The following UNC45A variants were observed in gnomAD, a reference collection of about 807,000 sequenced individuals.
UNC45A encodes protein unc-45 homolog A.
UNC45A carries 78 observed loss-of-function variants against 103.2 expected under a neutral mutation model. The observed-to-expected ratio is 0.76, with a 90% CI of 0.63 to 0.91. The LOEUF is 0.91. UNC45A is among the 40% of genes least tolerant of loss of function. UNC45A has a pLI of 0.00. For missense variants in UNC45A, 1,193 were observed against 1,224.8 expected, an observed-to-expected ratio of 0.97 and a Z score of 0.39; for synonymous variants, 495 against 504.6, an observed-to-expected ratio of 0.98 and a Z score of 0.25.
intron 7 of UNC45A, 105 bp downstream of exon 7, chr15:90,942,710 T>C: frequency 6.4e-7 from 1 of 1,568,192 alleles, no homozygotes; most frequent in Non-Finnish European, 8.7e-7. Flanking sequence ...CAGCTGCAGG[T>C]TGTTTGGAAT....
In UNC45A at chr15:90,935,583, C is replaced by A; in HGVS notation, c.91C>A (p.Leu31Met). ...GCAGCTGCGGAAGGAGGGCAATGAGCTGTTCAAATGTGGAGACTACGGGGG... is the reference window on the plus strand; with the variant it reads ...GCAGCTGCGGAAGGAGGGCAATGAGATGTTCAAATGTGGAGACTACGGGGG... ...VEQLRKEGNE[L>M]FKCGDYGGAL... The change falls in exon 2 of 20, where the codon CTG becomes ATG. Residue 31 changes from leucine to methionine, a missense_variant. Coordinates refer to ENST00000418476, the MANE Select transcript of UNC45A (RefSeq NM_018671.5). 6.2e-7 allele frequency: 1 copy of A among 1,612,774 alleles called. No homozygotes were observed. The highest frequency in any genetic ancestry group is 1.7e-5 in the Admixed American group (1 of 59,732).
rs997543307 is a variant in UNC45A at position 90,949,650 on chromosome 15, A to C, written c.2007-4A>C. On this transcript the variant is annotated splice_region_variant and splice_polypyrimidine_tract_variant and intron_variant, in intron 14 of 19. Coordinates refer to ENST00000418476, the MANE Select transcript of UNC45A (RefSeq NM_018671.5). ...GCCTGCCCACCACCGCCTTCTCCCC[A>C]CAGGGTCTTCTTGGCTTTAGTGGAA... 3.7e-6 allele frequency: 6 copies of C among 1,613,934 alleles called. No individual in the cohort carries two copies. The highest frequency in any genetic ancestry group is 5.1e-6 in the Non-Finnish European group (6 of 1,179,966).
chr15:90,944,858 A>C, intron 8 of UNC45A, 34 bp from the exon 9 acceptor site: 2 of 1,593,932 alleles, frequency 1.3e-6, no homozygotes, highest in Non-Finnish European at 1.7e-6. Context: ...GGTTGGAACT[A>C]GTGTTCTACT....
chr15:90,950,031 C>T (rs1393135639), intron 15 of UNC45A, 123 bp from the exon 16 acceptor site: 2 of 900,412 alleles, frequency 2.2e-6, no homozygotes, highest in East Asian at 2.6e-5. Flanking sequence ...AGAGGGTCTG[C>T]ACAGGGAGTC....
rs763853528 is a variant in UNC45A at position 90,944,871 on chromosome 15, C to G, written c.1028-21C>G. 1.9e-6 allele frequency: 3 copies of G among 1,609,716 alleles called. No homozygotes were observed. In the South Asian group the frequency reaches 3.3e-5, roughly 18 times the overall value. On this transcript the variant is annotated intron_variant, in intron 8 of 19. Coordinates refer to ENST00000418476, the MANE Select transcript of UNC45A (RefSeq NM_018671.5). Reference sequence around the variant, plus strand: ...GGGGTTGGAACTAGTGTTCTACTGTCTAAGCGGGGTGTCTTTACAGGTCTG... The same window carrying G: ...GGGGTTGGAACTAGTGTTCTACTGTGTAAGCGGGGTGTCTTTACAGGTCTG...
chr15:90,947,141 C>T (rs930262634), intron 10 of UNC45A: 1 of 559,642 alleles, frequency 1.8e-6, no homozygotes, highest in African/African-American at 1.9e-5. Context: ...GTGAGTCACG[C>T]ATGTCACTGC....
At position 90,935,321 on chromosome 15, in the gene UNC45A, C is replaced by A; in HGVS notation, c.-4C>A. The A allele has an allele frequency of 6.2e-7, 1 of 1,603,586 alleles. No individual in the cohort carries two copies. Among genetic ancestry groups the A allele is most frequent in the Admixed American group, 1.7e-5 (1 of 59,018 alleles). On this transcript the variant is annotated 5_prime_UTR_variant, in exon 1 of 20. Transcript: ENST00000418476. The stretch of plus-strand genomic sequence containing the variant: ...CTGCGCGGGCACGAGACAACCTCTC[C>A]GCGATGACTGTGAGTGGTCCAGGGA...
At chr15:90,941,595 G>A (rs1278116260) in intron 6 of UNC45A, among the ~76,000 whole-genome samples, 1 of 152,158 alleles carries the variant, frequency 6.6e-6, no homozygotes, top group Non-Finnish European at 1.5e-5. Context: ...ACACTTAGCT[G>A]CTAAGTGGAA....
chr15:90,940,600 C>T (rs2036244666), intron 6 of UNC45A, 127 bp downstream of exon 6: 1 of 1,236,064 alleles, frequency 8.1e-7, no homozygotes, highest in Non-Finnish European at 1.1e-6. Context: ...CTTCCACCCT[C>T]TACCCCTTAC....
Position 90,946,867 on chromosome 15 carries a change from C to A in UNC45A, c.1453C>A (p.Leu485Ile), listed in dbSNP as rs762244260. 5.8e-5 allele frequency: 91 copies of A among 1,577,378 alleles called. No individual in the cohort carries two copies. The highest frequency in any genetic ancestry group is 7.7e-5 in the Non-Finnish European group (89 of 1,156,454). ...TANGVSLLKDLYKCSEKDSIR... is the reference protein window; with the variant it reads ...TANGVSLLKDIYKCSEKDSIR... ...CAATGGTGTCTCGCTGCTGAAGGACCTATATAAGTGCAGCGAGAAGGACAG... is the reference window on the plus strand; with the variant it reads ...CAATGGTGTCTCGCTGCTGAAGGACATATATAAGTGCAGCGAGAAGGACAG... The change falls in exon 10 of 20, where the codon CTA becomes ATA. Residue 485 changes from leucine (L) to isoleucine (I), a missense_variant. Leu to Ile is a conservative substitution (Grantham distance 5, BLOSUM62 2). Transcript: ENST00000418476.
In UNC45A at chr15:90,935,302, G is replaced by C. The variant is rs753246384; in HGVS notation, c.-23G>C. 1 of 1,595,868 alleles carries C rather than the reference G, an allele frequency of 6.3e-7. No homozygotes were observed. The highest frequency in any genetic ancestry group is 8.5e-7 in the Non-Finnish European group (1 of 1,173,920). ...CCCGCCCCAGAGACTGCGCCTGCGCGGGCACGAGACAACCTCTCCGCGATG... is the reference window on the plus strand; with the variant it reads ...CCCGCCCCAGAGACTGCGCCTGCGCCGGCACGAGACAACCTCTCCGCGATG... On this transcript the variant is annotated 5_prime_UTR_variant, in exon 1 of 20. Transcript: ENST00000418476.
At chr15:90,949,868 G>A (rs905765172) in intron 15 of UNC45A, 148 bp downstream of exon 15, 11 of 874,756 alleles carry the variant, frequency 1.3e-5, no homozygotes, top group Admixed American at 4.5e-5. Context: ...AGAGAGTGAC[G>A]CGGAAGCAGG....
chr15:90,933,264 C>T (rs534211702), upstream of UNC45A: 5 of 152,452 alleles, frequency 3.3e-5, no homozygotes, highest in Admixed American at 1.3e-4. Flanking sequence ...AGTCTCTAGG[C>T]ATCTTCTGTG....
chr15:90,942,811 A>AT, intron 7 of UNC45A, 101 bp from the exon 8 acceptor site: 2 of 1,504,834 alleles, frequency 1.3e-6, no homozygotes, highest in South Asian at 1.3e-5. Flanking sequence ...TGGGATGCGG[A>AT]TCCCCCCTTC....
rs144297073 is a variant in UNC45A, at chr15:90,944,948, G to T, written c.1084G>T (p.Ala362Ser). Residue 362 changes from alanine (A) to serine (S), a missense_variant, in exon 9 of 20, where the codon GCA becomes TCA. Transcript: ENST00000418476. ...GSLQDPPGEL[A>S]VTANSRMSAS... is the part of the protein sequence containing the mutation. ...TCTACAGGACCCTCCTGGGGAGCTC[G>T]CAGTGACCGCAAACAGCCGCATGAG... 2.5e-6 allele frequency: 4 copies of T among 1,612,584 alleles called. No homozygotes were observed. The highest frequency in any genetic ancestry group is 3.4e-6 in the Non-Finnish European group (4 of 1,180,034).
chr15:90,937,170 A>G (rs760085366), intron 4 of UNC45A, among the ~76,000 whole-genome samples: 1 of 152,130 alleles, frequency 6.6e-6, no homozygotes, highest in Non-Finnish European at 1.5e-5. Context: ...ACATAGTGAG[A>G]CCCTGTTGCT....
At chr15:90,944,160 G>A (rs1451768398) in intron 8 of UNC45A, among the ~76,000 whole-genome samples, 1 of 150,938 alleles carries the variant, frequency 6.6e-6, no homozygotes, top group African/African-American at 2.4e-5. Context: ...GCCGAGGTGG[G>A]CAGACCACAA....
chr15:90,931,501 C>A, upstream of UNC45A: 1 of 1,614,116 alleles, frequency 6.2e-7, no homozygotes, highest in East Asian at 2.2e-5. Context: ...GCCATGAGTT[C>A]CTGATGGAAT....
Position 90,944,990 on chromosome 15 carries a change from A to G in UNC45A, c.1126A>G (p.Ser376Gly), listed in dbSNP as rs2151366957. Residue 376 changes from serine to glycine, a missense_variant, in exon 9 of 20, where the codon AGC becomes GGC. By Grantham distance (56) the Ser-to-Gly change is moderately conservative (BLOSUM62 0). Transcript: ENST00000418476. ...NSRMSASILL[S>G]KLFDDLKCDA... is the part of the protein sequence containing the mutation. ...CCGCATGAGCGCCTCTATTCTCCTC[A>G]GCAAGCTCTTTGATGACCTCAAGTG... 6.2e-7 allele frequency: 1 copy of G among 1,613,056 alleles called. No individual in the cohort carries two copies. The highest frequency in any genetic ancestry group is 8.5e-7 in the Non-Finnish European group (1 of 1,180,038).
Sources: gnomAD v4.1 joint callset for allele counts (sites outside exome capture counted in the v4.1 genomes callset) on GRCh38, gnomAD v4.1.1 for gene constraint, MANE v1.5 for transcripts, NCBI Gene and HGNC (gene_info 2026-07-23, HGNC 2026-07-21) for gene names.